FBXL5: variants seen among roughly 807,000 people sequenced by gnomAD.
The protein encoded by FBXL5 is F-box/LRR-repeat protein 5.
A neutral mutation model predicts 78.3 loss-of-function variants in FBXL5; 26 were observed. The observed-to-expected ratio is 0.33, with a 90% CI of 0.24 to 0.46. The LOEUF (loss-of-function observed/expected upper bound fraction) is 0.46, where lower values mean the gene tolerates loss of function less well. Among genes scored for constraint, FBXL5 ranks in the 20% least tolerant of loss-of-function variants. The probability of loss-of-function intolerance (pLI) is 1.00; values close to 1 mark genes in which losing one functional copy is unlikely to be tolerated. For synonymous variants in FBXL5, 295 were observed against 282.5 expected, an observed-to-expected ratio of 1.04 and a Z score of -0.45; for missense variants, 710 against 829.2, an observed-to-expected ratio of 0.86 and a Z score of 1.77.
intron 3 of FBXL5, among the ~76,000 whole-genome samples, chr4:15,639,402 C>T (rs1404033805): frequency 6.6e-6 from 1 of 152,164 alleles, no homozygotes; most frequent in African/African-American, 2.4e-5. Context: ...GTAGTGGAAC[C>T]ATAAAAGTCA....
chr4:15,659,444 T>C (rs1466313863), upstream of FBXL5, among the ~76,000 whole-genome samples: 1 of 152,216 alleles, frequency 6.6e-6, no homozygotes, highest in East Asian at 1.9e-4. Context: ...CTAAACTGGG[T>C]ACTGGGTAAG....
At chr4:15,646,744 G>A (rs908552532) in intron 1 of FBXL5, among the ~76,000 whole-genome samples, 5 of 130,828 alleles carry the variant, frequency 3.8e-5, no homozygotes, top group African/African-American at 1.2e-4. Context: ...CCCTTCCCAC[G>A]TCCATGTTGT....
chr4:15,628,798 C>T (rs1713334953), intron 6 of FBXL5, among the ~76,000 whole-genome samples: 1 of 136,702 alleles, frequency 7.3e-6, no homozygotes, highest in African/African-American at 2.7e-5. Context: ...CGCACACACA[C>T]ACACACGAAG....
intron 7 of FBXL5, 127 bp from the exon 8 acceptor site, chr4:15,627,082 C>A: frequency 3.5e-5 from 15 of 425,668 alleles, no homozygotes; most frequent in Non-Finnish European, 4.8e-5. Context: ...CACTTGAATA[C>A]TTGAAAAAAG....
upstream of FBXL5, among the ~76,000 whole-genome samples, chr4:15,662,678 A>T (rs147573871): frequency 1.1e-4 from 17 of 152,198 alleles, no homozygotes; most frequent in South Asian, 2.1e-4. Flanking sequence ...GTTTTTTTCA[A>T]TATCATTCTA....
intron 9 of FBXL5, among the ~76,000 whole-genome samples, chr4:15,615,064 G>C (rs1054979764): frequency 6.6e-6 from 1 of 152,184 alleles, no homozygotes; most frequent in African/African-American, 2.4e-5. Flanking sequence ...CCGGGCCAGT[G>C]GCTGCGGAGG....
chr4:15,621,947 G>A (rs1170184864), intron 9 of FBXL5, among the ~76,000 whole-genome samples: 3 of 152,174 alleles, frequency 2.0e-5, no homozygotes, highest in Admixed American at 2.0e-4. Flanking sequence ...TCCCACCTCA[G>A]CTTCCTGAGT....
chr4:15,648,913 T>C (rs1170180892), intron 1 of FBXL5, among the ~76,000 whole-genome samples: 1 of 152,224 alleles, frequency 6.6e-6, no homozygotes, highest in Non-Finnish European at 1.5e-5. Flanking sequence ...ATGTGTCAAT[T>C]TGATTTTGGT....
chr4:15,612,333 C>T lies in FBXL5; in HGVS notation c.1932G>A (p.Leu644=), dbSNP rs144742463. The T allele has an allele frequency of 8.3e-4, 1,346 of 1,612,588 alleles. 3 individuals carry two copies. The highest frequency in any genetic ancestry group is 1.1e-3 in the Non-Finnish European group (1,269 of 1,179,272). ...SGCLTITGAG[L]QDLVSACPSL... ...AAGGACATGCTGAAACCAAATCCTG[C>T]AGGCCTGCACCAGTTATAGTAAGAC... is the stretch of plus-strand genomic sequence containing the variant. Residue 644 remains leucine (L), a synonymous_variant, in exon 10 of 11, where the codon CTG becomes CTA. Transcript: ENST00000341285.
chr4:15,628,138 A>T (rs536913718), intron 6 of FBXL5, 105 bp from the exon 7 acceptor site: 4 of 1,102,434 alleles, frequency 3.6e-6, no homozygotes, highest in Non-Finnish European at 5.1e-6. Context: ...TGCTATCCTT[A>T]TACTTTCTTA....
chr4:15,631,101 C>T (rs1034773827), intron 5 of FBXL5, among the ~76,000 whole-genome samples: 6 of 151,948 alleles, frequency 3.9e-5, no homozygotes, highest in Non-Finnish European at 2.9e-5. Flanking sequence ...TAGTGTGTGA[C>T]GTTCCCCACC....
In FBXL5 at chr4:15,605,567, C is replaced by A; in HGVS notation, c.*156G>T. 1.6e-6 allele frequency: 1 copy of A among 611,488 alleles called. No individual in the cohort carries two copies. The highest frequency in any genetic ancestry group is 2.9e-6 in the Non-Finnish European group (1 of 341,014). The allele number at this position is 611,488 out of a possible 1,614,324, so 37.9% of individuals were successfully genotyped here. On this transcript the variant is annotated 3_prime_UTR_variant, in exon 11 of 11. Transcript: ENST00000341285. ...TTGCAAGAGAAACAACATTACAATTCACTGGTAAATTAAGATTTCTGAAGT... is the reference window on the plus strand; with the variant it reads ...TTGCAAGAGAAACAACATTACAATTAACTGGTAAATTAAGATTTCTGAAGT...
chr4:15,650,977 T>C (rs1307709273), intron 1 of FBXL5, among the ~76,000 whole-genome samples: 1 of 152,184 alleles, frequency 6.6e-6, no homozygotes, highest in African/African-American at 2.4e-5. Flanking sequence ...AAATCAAGTA[T>C]TACAGCCTGG....
At chr4:15,614,241 C>T (rs185318759) in intron 9 of FBXL5, among the ~76,000 whole-genome samples, 19 of 152,340 alleles carry the variant, frequency 1.2e-4, no homozygotes, top group Non-Finnish European at 2.4e-4. Flanking sequence ...CTACTGGACT[C>T]CAGGCTGGTA....
At chr4:15,606,571 T>A (rs188191143) in intron 10 of FBXL5, among the ~76,000 whole-genome samples, 2 of 152,316 alleles carry the variant, frequency 1.3e-5, no homozygotes, top group East Asian at 3.9e-4. Context: ...AAATGTCAAG[T>A]ACTCTGAATG....
chr4:15,612,439 T>G (rs1283227912), intron 9 of FBXL5, 25 bp from the exon 10 acceptor site: 42 of 1,592,096 alleles, frequency 2.6e-5, no homozygotes, highest in Non-Finnish European at 3.6e-5. Context: ...ATTTGACAAT[T>G]AGAAGATACT....
chr4:15,622,071 G>C (rs1006371896), intron 9 of FBXL5, among the ~76,000 whole-genome samples: 4 of 152,180 alleles, frequency 2.6e-5, no homozygotes, highest in African/African-American at 9.7e-5. Context: ...GGGCTCAAGT[G>C]ATCCTACTGC....
chr4:15,656,179 A>T, upstream of FBXL5: 1 of 456,196 alleles, frequency 2.2e-6, no homozygotes, highest in Non-Finnish European at 4.4e-6. Flanking sequence ...ACCTTGGTAC[A>T]AATCCCGCCA....
At chr4:15,655,722 C>G (rs1247299744), upstream of FBXL5, among the ~76,000 whole-genome samples, 2 of 152,334 alleles carry the variant, frequency 1.3e-5, no homozygotes, top group Admixed American at 6.5e-5. Context: ...GTCAGGGCCG[C>G]GAGCTCTGCT....
Sources: allele counts gnomAD v4.1 joint callset (sites outside exome capture counted in the v4.1 genomes callset), GRCh38; gene constraint gnomAD v4.1.1; transcripts MANE v1.5; gene names NCBI Gene and HGNC (gene_info 2026-07-23, HGNC 2026-07-21).